The following EIF4E variants were observed in gnomAD, a reference collection of about 807,000 sequenced individuals.
EIF4E encodes the protein eukaryotic translation initiation factor 4E.
For synonymous variants in EIF4E, 71 were observed against 88.5 expected, an observed-to-expected ratio of 0.80 and a Z score of 1.11; for missense variants, 113 against 265.6, an observed-to-expected ratio of 0.43 and a Z score of 3.99.
intron 1 of EIF4E, among the ~76,000 whole-genome samples, chr4:98,913,321 A>C (rs974591649): frequency 6.6e-6 from 1 of 152,068 alleles, no homozygotes; most frequent in Non-Finnish European, 1.5e-5. Flanking sequence ...CTTATCCAAC[A>C]AATTTTTTTT....
rs61194368 is a variant in EIF4E at position 98,914,392 on chromosome 4, CTT to C, written c.19-12412_19-12411del. On this transcript the variant is annotated intron_variant, in intron 1 of 6. Coordinates refer to ENST00000450253, the MANE Select transcript of EIF4E (RefSeq NM_001968.5). ...AAAAAAAAAAAAAAAAAAAAAAGCA[CTT>C]TTTTTTTTTGCTTTTGACCTATTTT... 1.3e-3 allele frequency among the ~76,000 whole-genome samples: 159 copies of C among 120,766 alleles called. 1 individual carries two copies. Among genetic ancestry groups the C allele is most frequent in the African/African-American group, 4.6e-3 (149 of 32,370 alleles). 79.2% of individuals were successfully genotyped at this position (120,766 alleles called of 152,430 possible). A position where few individuals can be genotyped will look rare whatever the true frequency, so the allele number is the denominator to read the frequency against.
intron 1 of EIF4E, among the ~76,000 whole-genome samples, chr4:98,922,645 C>T (rs959816623): frequency 1.3e-5 from 2 of 151,342 alleles, no homozygotes; most frequent in Admixed American, 6.6e-5. Context: ...GTAGCAATTA[C>T]AAATAACGAT....
At chr4:98,919,824 G>A (rs1725569617) in intron 1 of EIF4E, among the ~76,000 whole-genome samples, 1 of 152,088 alleles carries the variant, frequency 6.6e-6, no homozygotes, top group African/African-American at 2.4e-5. Flanking sequence ...CTCCCCAAGT[G>A]CTGGGATTAC....
rs541873635 is a variant in EIF4E, at chr4:98,908,397, T to C, written c.19-6415A>G. Among the ~76,000 whole-genome samples, 2 of 152,298 alleles carry C rather than the reference T, an allele frequency of 1.3e-5. 1 individual carries two copies. The highest frequency in any genetic ancestry group is 4.8e-5 in the African/African-American group (2 of 41,560). ...AACATGATTGGTGACTCATATCCAG[T>C]AGTGCTTCCTTATATTACCCCTTCC... On this transcript the variant is annotated intron_variant, in intron 1 of 6. Coordinates refer to ENST00000450253, the MANE Select transcript of EIF4E (RefSeq NM_001968.5).
intron 5 of EIF4E, among the ~76,000 whole-genome samples, chr4:98,885,993 T>C (rs1723900664): frequency 1.3e-5 from 2 of 152,078 alleles, no homozygotes. Flanking sequence ...TCTTAAAAAG[T>C]CATTCATTCA....
chr4:98,881,285 T>C (rs1473196044), intron 6 of EIF4E, 143 bp from the exon 7 acceptor site: 1 of 1,416,736 alleles, frequency 7.1e-7, no homozygotes, highest in Non-Finnish European at 9.3e-7. Context: ...TATACACCCT[T>C]TTCCTTTCAG....
chr4:98,888,096 A>C (rs2110180889), intron 3 of EIF4E, 144 bp from the exon 4 acceptor site: 2 of 724,254 alleles, frequency 2.8e-6, no homozygotes, highest in Middle Eastern at 4.1e-4. Flanking sequence ...CAATTTCTAA[A>C]ATGGACAAAA....
At chr4:98,911,369 G>A (rs1000653998) in intron 1 of EIF4E, among the ~76,000 whole-genome samples, 1 of 146,002 alleles carries the variant, frequency 6.8e-6, no homozygotes, top group African/African-American at 2.5e-5. Flanking sequence ...ACTAGAAAGA[G>A]TTGTAGGAGG....
At chr4:98,913,886 ACCT>A (rs1160971905) in intron 1 of EIF4E, among the ~76,000 whole-genome samples, 1 of 152,126 alleles carries the variant, frequency 6.6e-6, no homozygotes, top group Non-Finnish European at 1.5e-5. Flanking sequence ...ACATTCTTTA[ACCT>A]AGTAATTAGA....
At chr4:98,915,847 C>G (rs1435539586) in intron 1 of EIF4E, among the ~76,000 whole-genome samples, 1 of 151,548 alleles carries the variant, frequency 6.6e-6, no homozygotes, top group Non-Finnish European at 1.5e-5. Context: ...TGGCCGTTAT[C>G]TTTAATAATA....
intron 1 of EIF4E, among the ~76,000 whole-genome samples, chr4:98,915,544 A>G (rs1579179860): frequency 6.7e-6 from 1 of 148,610 alleles, no homozygotes; most frequent in African/African-American, 2.6e-5. Context: ...TTTGTAAATT[A>G]CTTTTTTTTT....
intron 1 of EIF4E, among the ~76,000 whole-genome samples, chr4:98,917,115 C>T (rs1258361161): frequency 3.8e-5 from 4 of 104,988 alleles, no homozygotes; most frequent in South Asian, 5.3e-4. Flanking sequence ...CACACACACA[C>T]ACACACACAC....
chr4:98,923,744 T>C (rs558244971), intron 1 of EIF4E, among the ~76,000 whole-genome samples: 58 of 152,294 alleles, frequency 3.8e-4, no homozygotes, highest in African/African-American at 1.3e-3. Flanking sequence ...TGGCTAAGGA[T>C]TGATAATTAA....
At position 98,879,732 on chromosome 4, in the gene EIF4E, G is replaced by C. The variant is rs1224384587; in HGVS notation, c.*1296C>G. On this transcript the variant is annotated 3_prime_UTR_variant, in exon 7 of 7. Coordinates refer to ENST00000450253, the MANE Select transcript of EIF4E (RefSeq NM_001968.5). Reference sequence around the variant, plus strand: ...GCAACCAAGTTTTACAACCACTGTTGCTACCAATCAAATGGTGATGCATCA... The same window carrying C: ...GCAACCAAGTTTTACAACCACTGTTCCTACCAATCAAATGGTGATGCATCA... 2 of 151,970 alleles carry C rather than the reference G, an allele frequency of 1.3e-5. No homozygotes were observed. The highest frequency in any genetic ancestry group is 2.9e-5 in the Non-Finnish European group (2 of 67,964). The allele number at this position is 151,970 out of a possible 1,614,324, so 9.4% of individuals were successfully genotyped here. A position where few individuals can be genotyped will look rare whatever the true frequency, so the allele number is the denominator to read the frequency against.
At chr4:98,912,945 G>A (rs532446147) in intron 1 of EIF4E, among the ~76,000 whole-genome samples, 1 of 152,170 alleles carries the variant, frequency 6.6e-6, no homozygotes, top group Non-Finnish European at 1.5e-5. Context: ...GGTGGCTCAC[G>A]CCTGTAATCC....
rs900890670 is a variant in EIF4E at position 98,896,506 on chromosome 4, A to C, written c.126-5174T>G. 3.2e-4 allele frequency among the ~76,000 whole-genome samples: 48 copies of C among 149,070 alleles called. 1 individual carries two copies. The highest frequency in any genetic ancestry group is 2.5e-5 in the African/African-American group (1 of 40,486). On this transcript the variant is annotated intron_variant, in intron 2 of 6. Transcript: ENST00000450253. ...TCTCTCAAAAAAAAAAAAAAAAAAA[A>C]AAAACACCTTAGCTAGCCATGGTGG... is the stretch of plus-strand genomic sequence containing the variant.
intron 2 of EIF4E, among the ~76,000 whole-genome samples, chr4:98,897,954 C>T (rs1200574655): frequency 2.6e-5 from 4 of 152,160 alleles, no homozygotes; most frequent in Admixed American, 6.5e-5. Flanking sequence ...TGTTAAAAAT[C>T]TTACACAGGT....
At chr4:98,881,891 G>T (rs1723707548) in intron 6 of EIF4E, among the ~76,000 whole-genome samples, 3 of 152,190 alleles carry the variant, frequency 2.0e-5, no homozygotes, top group Non-Finnish European at 4.4e-5. Flanking sequence ...ATAACAAGGA[G>T]ATTCTAATCT....
At chr4:98,883,989 T>C (rs1010622497) in intron 6 of EIF4E, among the ~76,000 whole-genome samples, 1 of 148,196 alleles carries the variant, frequency 6.7e-6, no homozygotes. Context: ...AAGTGAGCCA[T>C]GACTGCACCA....
Sources: allele counts gnomAD v4.1 joint callset (sites outside exome capture counted in the v4.1 genomes callset), GRCh38; gene constraint gnomAD v4.1.1; transcripts MANE v1.5; gene names NCBI Gene and HGNC (gene_info 2026-07-23, HGNC 2026-07-21).